The following RNF38 variants were observed in gnomAD, a reference collection of about 807,000 sequenced individuals.
RNF38 encodes the protein ring finger protein 38.
RNF38 carries 15 observed loss-of-function variants against 67.2 expected under a neutral mutation model. The ratio of observed to expected loss-of-function variants is 0.22; its 90% confidence interval spans 0.15 to 0.34. The LOEUF is 0.34. RNF38 is among the 10% of genes least tolerant of loss of function. The pLI is 1.00. For synonymous variants in RNF38, 220 were observed against 218.8 expected (o/e 1.01, Z -0.05); for missense variants, 524 against 639.9 (o/e 0.82, Z 1.95).
At chr9:36,477,061 C>T (rs949361489) in intron 1 of RNF38, among the ~76,000 whole-genome samples, 1 of 152,088 alleles carries the variant, frequency 6.6e-6, no homozygotes, top group East Asian at 1.9e-4. Context: ...CGATGGATCA[C>T]GCCTGTAATC....
At chr9:36,357,732 T>C in intron 5 of RNF38, 43 bp downstream of exon 5, 1 of 1,544,944 alleles carries the variant, frequency 6.5e-7, no homozygotes, top group South Asian at 1.1e-5. Flanking sequence ...CAGGCTGGTG[T>C]GCTTAATAGT....
intron 1 of RNF38, among the ~76,000 whole-genome samples, chr9:36,467,018 A>C (rs1839875808): frequency 6.9e-6 from 1 of 145,126 alleles, no homozygotes; most frequent in African/African-American, 2.6e-5. Flanking sequence ...GTCTCTACTA[A>C]AAATACAAAA....
intron 2 of RNF38, among the ~76,000 whole-genome samples, chr9:36,376,836 G>C (rs925715057): frequency 3.3e-5 from 5 of 149,380 alleles, no homozygotes; most frequent in African/African-American, 1.2e-4. Context: ...TGAGGCAGGA[G>C]AATCGCTTGA....
chr9:36,393,522 TG>T (rs563686874), intron 1 of RNF38, among the ~76,000 whole-genome samples: 1 of 124,498 alleles, frequency 8.0e-6, no homozygotes, highest in African/African-American at 3.1e-5. Context: ...TGTGTGTGTG[TG>T]GGGCAGGCAG....
chr9:36,349,297 T>C (rs1432802956), intron 9 of RNF38, among the ~76,000 whole-genome samples: 1 of 152,212 alleles, frequency 6.6e-6, no homozygotes, highest in Non-Finnish European at 1.5e-5. Flanking sequence ...TGCCAATACT[T>C]ACTGACTTTT....
chr9:36,398,135 A>T (rs1041838442), intron 1 of RNF38, among the ~76,000 whole-genome samples: 2 of 152,218 alleles, frequency 1.3e-5, no homozygotes, highest in African/African-American at 4.8e-5. Context: ...TGTGACTACA[A>T]AATGGGAAAA....
At chr9:36,457,089 A>C (rs1839611932) in intron 1 of RNF38, among the ~76,000 whole-genome samples, 1 of 151,148 alleles carries the variant, frequency 6.6e-6, no homozygotes, top group Non-Finnish European at 1.5e-5. Context: ...ATTTTGCCCT[A>C]ATTCTTTAAA....
Position 36,363,162 on chromosome 9 carries a change from C to T in RNF38, c.571-5220G>A, listed in dbSNP as rs567019776. Among the ~76,000 whole-genome samples, 87 of 99,790 alleles carry T rather than the reference C, an allele frequency of 8.7e-4. 29 individuals are homozygous for T. Among genetic ancestry groups the T allele is most frequent in the Admixed American group, 6.9e-3 (75 of 10,914 alleles). 65.5% of individuals were successfully genotyped at this position (99,790 alleles called of 152,430 possible). On this transcript the variant is annotated intron_variant, in intron 4 of 11. Transcript: ENST00000259605. ...CCAGGCTGAAGTACAATGGCACAAT[C>T]ACTTGGGCTCGAGGGATCCTCCAGC...
chr9:36,487,207 C>G lies in RNF38; in HGVS notation n.241+101G>C, dbSNP rs1447502599. The G allele has an allele frequency of 1.6e-5, 12 of 744,608 alleles. No individual in the cohort carries two copies. In the Admixed American group the frequency reaches 3.1e-4, roughly 19 times the overall value. 46.1% of individuals were successfully genotyped at this position (744,608 alleles called of 1,614,324 possible). On this transcript the variant is annotated intron_variant and non_coding_transcript_variant, in intron 1 of 3. Transcript: ENST00000488058. ...CAAAGCTGACCCGGACAACGCTCCTCCCCGTCGGCGGGGCCGGGCGCCTGG... is the reference window on the plus strand; with the variant it reads ...CAAAGCTGACCCGGACAACGCTCCTGCCCGTCGGCGGGGCCGGGCGCCTGG...
At chr9:36,431,724 T>C (rs775972831) in intron 1 of RNF38, among the ~76,000 whole-genome samples, 20 of 152,222 alleles carry the variant, frequency 1.3e-4, no homozygotes, top group Non-Finnish European at 2.8e-4. Flanking sequence ...TAGGCATGAC[T>C]GATAAAAATC....
chr9:36,463,558 T>G (rs1293155344), intron 1 of RNF38, among the ~76,000 whole-genome samples: 3 of 152,176 alleles, frequency 2.0e-5, no homozygotes, highest in African/African-American at 7.2e-5. Flanking sequence ...ACTGTTTACC[T>G]TTTGGGTAAA....
intron 1 of RNF38, among the ~76,000 whole-genome samples, chr9:36,443,119 G>A (rs957932021): frequency 3.9e-5 from 6 of 152,124 alleles, no homozygotes; most frequent in Admixed American, 2.0e-4. Flanking sequence ...GCCTTAAAAC[G>A]TTATTTTTAA....
chr9:36,356,174 A>C, intron 6 of RNF38, 129 bp downstream of exon 6: 1 of 880,880 alleles, frequency 1.1e-6, no homozygotes, highest in Non-Finnish European at 1.7e-6. Flanking sequence ...CATGCCATTT[A>C]AACATAGTAA....
At chr9:36,351,088 A>G (rs753120944) in intron 9 of RNF38, 27 bp downstream of exon 9, 1 of 1,473,738 alleles carries the variant, frequency 6.8e-7, no homozygotes, top group Non-Finnish European at 9.5e-7. Context: ...AATATTCCCC[A>G]AATTAATTCA....
intron 1 of RNF38, among the ~76,000 whole-genome samples, chr9:36,480,548 C>CTTTTTTTTTTTTTTTT (rs3072687): frequency 4.0e-5 from 4 of 100,820 alleles, no homozygotes; most frequent in African/African-American, 3.8e-5. Flanking sequence ...TTTTCTTTTT[C>CTTTTTTTTTTTTTTTT]TTTTTTTTTT....
chr9:36,363,646 T>C (rs1834727035), intron 4 of RNF38, among the ~76,000 whole-genome samples: 1 of 99,916 alleles, frequency 1.0e-5, no homozygotes, highest in African/African-American at 3.0e-5. Context: ...CATTAGGTGA[T>C]TTCATTGTTG....
chr9:36,483,443 T>C (rs1363149698), intron 1 of RNF38, among the ~76,000 whole-genome samples: 2 of 151,166 alleles, frequency 1.3e-5, no homozygotes, highest in Non-Finnish European at 2.9e-5. Flanking sequence ...GGTTTCCAGA[T>C]AGAGGAACCT....
chr9:36,380,436 G>C (rs1461566338), intron 2 of RNF38, among the ~76,000 whole-genome samples: 1 of 152,130 alleles, frequency 6.6e-6, no homozygotes, highest in African/African-American at 2.4e-5. Context: ...CTGACCTCAG[G>C]TGATCTGCCC....
chr9:36,408,269 T>TC (rs1564050984), intron 2 of RNF38, among the ~76,000 whole-genome samples: 2 of 150,616 alleles, frequency 1.3e-5, no homozygotes, highest in East Asian at 4.0e-4. Context: ...AGACTTAATT[T>TC]TTTTTTTTTT....
Sources: allele counts gnomAD v4.1 joint callset (sites outside exome capture counted in the v4.1 genomes callset), GRCh38; gene constraint gnomAD v4.1.1; transcripts MANE v1.5; gene names NCBI Gene and HGNC (gene_info 2026-07-23, HGNC 2026-07-21).